Variants in P3H2 observed in about 807,000 individuals in gnomAD.
P3H2 encodes leprecan-like 1.
P3H2 carries 80 observed loss-of-function variants against 87.0 expected under a neutral mutation model. The ratio of observed to expected loss-of-function variants is 0.92; its 90% CI spans 0.77 to 1.11. The LOEUF (loss-of-function observed/expected upper bound fraction) is 1.11. Among genes scored for constraint, P3H2 ranks in the 50% least tolerant of loss-of-function variants. The probability of loss-of-function intolerance (pLI) is 0.00; values close to 1 mark genes in which losing one functional copy is unlikely to be tolerated. For synonymous variants in P3H2, 367 were observed against 359.3 expected (o/e 1.02, Z -0.24); for missense variants, 1,001 against 923.9 (o/e 1.08, Z -1.08).
intron 13 of P3H2, among the ~76,000 whole-genome samples, chr3:189,966,836 T>G (rs1723021224): frequency 6.6e-6 from 1 of 152,242 alleles, no homozygotes; most frequent in African/African-American, 2.4e-5. Context: ...AAATAATCCT[T>G]TTGCTTTCCG....
chr3:190,116,483 A>T (rs1206791482), intron 1 of P3H2: 2 of 152,212 alleles, frequency 1.3e-5, no homozygotes, highest in Admixed American at 6.5e-5. Context: ...TTAATCCCAT[A>T]TCTATCCATT....
intron 3 of P3H2, among the ~76,000 whole-genome samples, chr3:189,993,097 C>A (rs564616951): frequency 6.6e-6 from 1 of 152,068 alleles, no homozygotes; most frequent in East Asian, 1.9e-4. Flanking sequence ...CCGAGGTGGG[C>A]GGATTACCTG....
At chr3:190,015,658 G>A (rs746290021) in intron 1 of P3H2, among the ~76,000 whole-genome samples, 6 of 151,862 alleles carry the variant, frequency 4.0e-5, no homozygotes, top group Non-Finnish European at 8.8e-5. Flanking sequence ...TTCCCAAGCT[G>A]ATATTGGTAG....
At chr3:190,043,073 GTGTT>G (rs1725689573) in intron 1 of P3H2, among the ~76,000 whole-genome samples, 1 of 152,126 alleles carries the variant, frequency 6.6e-6, no homozygotes, top group Non-Finnish European at 1.5e-5. Flanking sequence ...GTATAGGAAA[GTGTT>G]TGAAAATGTA....
intron 1 of P3H2, among the ~76,000 whole-genome samples, chr3:190,018,421 A>G (rs1366650040): frequency 6.6e-6 from 1 of 152,198 alleles, no homozygotes; most frequent in Non-Finnish European, 1.5e-5. Context: ...AGGCTTAGAT[A>G]AGTAGGCCAG....
chr3:190,106,342 A>C (rs1039800280), intron 1 of P3H2, among the ~76,000 whole-genome samples: 6 of 152,188 alleles, frequency 3.9e-5, no homozygotes, highest in African/African-American at 1.4e-4. Flanking sequence ...TCTGTGCTAC[A>C]GTGCGCAGTG....
chr3:189,986,831 A>G lies in P3H2; in HGVS notation c.1145T>C (p.Ile382Thr), dbSNP rs368810052. The G allele has an allele frequency of 3.1e-6, 5 of 1,613,500 alleles. No homozygotes were observed. Among genetic ancestry groups the G allele is most frequent in the African/African-American group, 1.3e-5 (1 of 75,030 alleles). The change falls in exon 6 of 15, where the codon ATA (isoleucine) becomes ACA (threonine). Residue 382 changes from isoleucine (I) to threonine (T), a missense_variant. Ile to Thr is a moderately conservative substitution (Grantham distance 89). Coordinates refer to ENST00000319332, the MANE Select transcript of P3H2 (RefSeq NM_018192.4). ...VKRHKLESELIKSAAEGLGFS... is the reference protein window; with the variant it reads ...VKRHKLESELTKSAAEGLGFS... ...CCCCAGACCTTCTGCAGCTGATTTT[A>G]TCAGCTCAGACTCCAGCTTATGACG...
chr3:189,963,428 T>C (rs1490741761), intron 14 of P3H2: 1 of 155,834 alleles, frequency 6.4e-6, no homozygotes, highest in African/African-American at 2.4e-5. Flanking sequence ...TCCTCCCTGA[T>C]GCCACAGAGT....
At chr3:190,049,398 A>T (rs996634144) in intron 1 of P3H2, among the ~76,000 whole-genome samples, 1 of 152,176 alleles carries the variant, frequency 6.6e-6, no homozygotes, top group East Asian at 1.9e-4. Flanking sequence ...CACTTTCAAG[A>T]AATTGGCTTT....
chr3:190,103,759 C>T (rs1332992513), intron 1 of P3H2, among the ~76,000 whole-genome samples: 3 of 152,018 alleles, frequency 2.0e-5, no homozygotes, highest in African/African-American at 7.2e-5. Flanking sequence ...ACAAAGTTGA[C>T]TTAGAGATTT....
In P3H2 at chr3:189,986,567, C is replaced by T. The variant is rs899152926; in HGVS notation, c.1188+221G>A. Among the ~76,000 whole-genome samples, 4 of 151,976 alleles carry T rather than the reference C, an allele frequency of 2.6e-5. No individual in the cohort carries two copies. The South Asian group carries it at 8.3e-4, about 32-fold the overall frequency. The stretch of plus-strand genomic sequence containing the variant: ...TCACGCCACTGCACTCCAGCCTGGG[C>T]GACAAGAGCGAGACTCCATCTCAAA... On this transcript the variant is annotated intron_variant, in intron 6 of 14. Coordinates refer to ENST00000319332, the MANE Select transcript of P3H2 (RefSeq NM_018192.4).
Position 189,975,706 on chromosome 3 carries a change from T to C in P3H2, c.1325-1021A>G, listed in dbSNP as rs112850765. Among the ~76,000 whole-genome samples the C allele has an allele frequency of 5.0e-3, 760 of 152,270 alleles. 6 individuals carry two copies. Among genetic ancestry groups the C allele is most frequent in the African/African-American group, 0.018 (741 of 41,554 alleles). On this transcript the variant is annotated intron_variant, in intron 8 of 14. Transcript: ENST00000319332. ...ACAGAGGAAGAAGAGACAATTGAAA[T>C]TGATGTCTACTTTATAAAATAGATT...
chr3:189,997,341 T>A (rs1679693577), intron 1 of P3H2, among the ~76,000 whole-genome samples: 1 of 152,244 alleles, frequency 6.6e-6, no homozygotes. Context: ...ATCAGAAAAA[T>A]AAAAATTCAC....
At chr3:190,033,131 A>G (rs1237929764) in intron 1 of P3H2, among the ~76,000 whole-genome samples, 1 of 152,162 alleles carries the variant, frequency 6.6e-6, no homozygotes. Context: ...AAGAGAATCT[A>G]ATGCCACTGC....
intron 1 of P3H2, among the ~76,000 whole-genome samples, chr3:190,077,675 A>G (rs1726914404): frequency 6.6e-6 from 1 of 152,228 alleles, no homozygotes; most frequent in African/African-American, 2.4e-5. Context: ...AAAAGATACA[A>G]TGAAGGATGA....
At chr3:190,041,907 A>C (rs1278514320) in intron 1 of P3H2, among the ~76,000 whole-genome samples, 1 of 152,220 alleles carries the variant, frequency 6.6e-6, no homozygotes, top group Non-Finnish European at 1.5e-5. Context: ...GAAAGTAATC[A>C]CTTACCCAGT....
chr3:189,982,103 T>C (rs1424291233), intron 8 of P3H2, among the ~76,000 whole-genome samples: 1 of 151,812 alleles, frequency 6.6e-6, no homozygotes, highest in Non-Finnish European at 1.5e-5. Flanking sequence ...CTTTCATCAA[T>C]AGGTGATATA....
intron 1 of P3H2, among the ~76,000 whole-genome samples, chr3:190,119,677 T>C (rs941354498): frequency 2.6e-5 from 4 of 152,180 alleles, no homozygotes; most frequent in Non-Finnish European, 5.9e-5. Flanking sequence ...CAGCTTCGCC[T>C]CCTCCAAGCA....
intron 1 of P3H2, among the ~76,000 whole-genome samples, chr3:190,007,965 C>CACACACACATATATATATATATATAT: frequency 1.8e-3 from 167 of 94,302 alleles, no homozygotes; most frequent in East Asian, 8.8e-3. Flanking sequence ...TGTTGACACA[C>CACACACACATATATATATATATATAT]ATATATATAT....
Sources: gnomAD v4.1 joint callset for allele counts (sites outside exome capture counted in the v4.1 genomes callset) on GRCh38, gnomAD v4.1.1 for gene constraint, MANE v1.5 for transcripts, NCBI Gene and HGNC (gene_info 2026-07-23, HGNC 2026-07-21) for gene names.